The following OXCT1 variants were observed in gnomAD, a reference collection of about 807,000 sequenced individuals.
OXCT1 encodes the protein 3-oxoacid CoA-transferase 1.
OXCT1 carries 27 observed loss-of-function variants against 69.6 expected under a neutral mutation model. That is an observed-to-expected ratio of 0.39 (90% confidence interval 0.29 to 0.54). The LOEUF (loss-of-function observed/expected upper bound fraction) is 0.54. Among genes scored for constraint, OXCT1 ranks in the 20% least tolerant of loss-of-function variants. The pLI is 0.72. For missense variants in OXCT1, 437 were observed against 650.2 expected (o/e 0.67, Z 3.57); for synonymous variants, 202 against 217.8 (o/e 0.93, Z 0.64).
rs550527131 is a variant in OXCT1, at chr5:41,815,486, T to C, written c.733-8048A>G. 1.3e-4 allele frequency among the ~76,000 whole-genome samples: 20 copies of C among 152,274 alleles called. No individual in the cohort carries two copies. The East Asian group carries it at 3.9e-3, about 29-fold the overall frequency. On this transcript the variant is annotated intron_variant, in intron 7 of 16. Transcript: ENST00000196371. ...GCACCACTATGCCCAGCTGCTAACA[T>C]TTTTTGTTTGCCCAGAAATGCCAAT...
chr5:41,838,234 C>T (rs1463864715), intron 7 of OXCT1, among the ~76,000 whole-genome samples: 1 of 152,030 alleles, frequency 6.6e-6, no homozygotes, highest in Non-Finnish European at 1.5e-5. Flanking sequence ...TCACTGGACT[C>T]AAAATACAAA....
At chr5:41,821,315 A>T (rs1747536768) in intron 7 of OXCT1, among the ~76,000 whole-genome samples, 1 of 152,224 alleles carries the variant, frequency 6.6e-6, no homozygotes, top group Non-Finnish European at 1.5e-5. Flanking sequence ...AGTGGTTCTT[A>T]GATGTTTAGG....
chr5:41,840,100 ACTT>A (rs1420569948), intron 7 of OXCT1, among the ~76,000 whole-genome samples: 1 of 152,206 alleles, frequency 6.6e-6, no homozygotes, highest in Non-Finnish European at 1.5e-5. Flanking sequence ...AAGATCATGA[ACTT>A]CTTCTGACAC....
Position 41,862,687 on chromosome 5 carries a change from C to G in OXCT1, c.142G>C (p.Glu48Gln). 6.2e-7 allele frequency: 1 copy of G among 1,613,088 alleles called. No individual in the cohort carries two copies. The highest frequency in any genetic ancestry group is 2.2e-5 in the East Asian group (1 of 44,814). Residue 48 changes from glutamate (E) to glutamine (Q), a missense_variant, in exon 2 of 17, where the codon GAA becomes CAA. By Grantham distance (29) the Glu-to-Gln change is conservative (BLOSUM62 2). Coordinates refer to ENST00000196371, the MANE Select transcript of OXCT1 (RefSeq NM_000436.4). ...CCATCAGGGATGTCTTTTACAGCTTCTACTGGATCTGTATAAAACTTGGTA... is the reference window on the plus strand; with the variant it reads ...CCATCAGGGATGTCTTTTACAGCTTGTACTGGATCTGTATAAAACTTGGTA... ...RHTKFYTDPV[E>Q]AVKDIPDGAT...
At chr5:41,774,516 C>T (rs1745031445) in intron 13 of OXCT1, among the ~76,000 whole-genome samples, 1 of 152,070 alleles carries the variant, frequency 6.6e-6, no homozygotes, top group Non-Finnish European at 1.5e-5. Context: ...CAATGAAAAA[C>T]AAAAAGAATG....
chr5:41,821,798 GTTGAGTTTTAA>G (rs1246786232), intron 7 of OXCT1, among the ~76,000 whole-genome samples: 1 of 152,118 alleles, frequency 6.6e-6, no homozygotes, highest in East Asian at 1.9e-4. Flanking sequence ...TTTTCTTGTT[GTTGAGTTTTAA>G]TTGTTTTTGC....
chr5:41,771,229 T>A (rs1744857709), intron 13 of OXCT1, among the ~76,000 whole-genome samples: 1 of 152,196 alleles, frequency 6.6e-6, no homozygotes, highest in South Asian at 2.1e-4. Context: ...GTCTCCATAG[T>A]TCACTTATGA....
At chr5:41,823,404 G>A (rs1301363892) in intron 7 of OXCT1, among the ~76,000 whole-genome samples, 1 of 152,144 alleles carries the variant, frequency 6.6e-6, no homozygotes, top group Non-Finnish European at 1.5e-5. Flanking sequence ...CCACTCTGGA[G>A]TCTAACTCTC....
intron 3 of OXCT1, among the ~76,000 whole-genome samples, chr5:41,854,970 A>G (rs970692491): frequency 1.3e-5 from 2 of 152,342 alleles, no homozygotes; most frequent in East Asian, 3.9e-4. Flanking sequence ...ATCACAAGAC[A>G]TGTGCAAGAA....
At chr5:41,737,653 T>A (rs1742954298) in intron 16 of OXCT1, among the ~76,000 whole-genome samples, 1 of 152,232 alleles carries the variant, frequency 6.6e-6, no homozygotes, top group African/African-American at 2.4e-5. Context: ...ACTGGGAGAC[T>A]TCTTTTTCCA....
At chr5:41,839,548 TA>T (rs1271947786) in intron 7 of OXCT1, among the ~76,000 whole-genome samples, 10 of 152,186 alleles carry the variant, frequency 6.6e-5, no homozygotes, top group African/African-American at 2.2e-4. Flanking sequence ...GAAAGTAACA[TA>T]TACTTCAGCA....
rs1486670539 is a variant in OXCT1, at chr5:41,731,773, G to A, written c.1522-3C>T. 1.2e-6 allele frequency: 2 copies of A among 1,608,144 alleles called. No homozygotes were observed. Among genetic ancestry groups the A allele is most frequent in the Non-Finnish European group, 1.7e-6 (2 of 1,176,928 alleles). ...ATTGGCATGAGTTTTGGTGAAACCT[G>A]GTAAAAGAGGAAAAAAAAATCAAAT... On this transcript the variant is annotated splice_polypyrimidine_tract_variant and splice_region_variant and intron_variant, in intron 16 of 16. Coordinates refer to ENST00000196371, the MANE Select transcript of OXCT1 (RefSeq NM_000436.4).
intron 14 of OXCT1, among the ~76,000 whole-genome samples, chr5:41,752,368 G>A (rs188561289): frequency 2.6e-5 from 4 of 152,142 alleles, no homozygotes; most frequent in South Asian, 2.1e-4. Flanking sequence ...AGGGTTACGC[G>A]GATCTCATTC....
In OXCT1 at chr5:41,857,346, T is replaced by C. The variant is rs975695817; in HGVS notation, c.279-3792A>G. On this transcript the variant is annotated intron_variant, in intron 3 of 16. Coordinates refer to ENST00000196371, the MANE Select transcript of OXCT1 (RefSeq NM_000436.4). ...GGCCTGCAAGGTCCCATGTGATCAGTTGCCCTTTGATGTCCCCAACCTCAC... is the reference window on the plus strand; with the variant it reads ...GGCCTGCAAGGTCCCATGTGATCAGCTGCCCTTTGATGTCCCCAACCTCAC... Among the ~76,000 whole-genome samples the C allele has an allele frequency of 3.3e-5, 5 of 152,304 alleles. No individual in the cohort carries two copies. The East Asian group carries it at 7.7e-4, about 24-fold the overall frequency.
chr5:41,793,844 C>G (rs1746047337), intron 13 of OXCT1, among the ~76,000 whole-genome samples, 159 bp downstream of exon 13: 1 of 152,094 alleles, frequency 6.6e-6, no homozygotes, highest in African/African-American at 2.4e-5. Context: ...AAGCTGAATA[C>G]TTCTCAGTGC....
intron 7 of OXCT1, among the ~76,000 whole-genome samples, chr5:41,833,523 T>TG (rs1554016897): frequency 2.7e-4 from 5 of 18,440 alleles, no homozygotes; most frequent in Admixed American, 6.6e-4. Flanking sequence ...TTCTTTGATC[T>TG]GAAAAAAAAA....
chr5:41,754,338 T>TAC (rs1357330506), intron 14 of OXCT1, among the ~76,000 whole-genome samples: 1 of 152,068 alleles, frequency 6.6e-6, no homozygotes, highest in Non-Finnish European at 1.5e-5. Flanking sequence ...GCATACCACA[T>TAC]ACACACACAA....
At chr5:41,833,964 T>C (rs1252632922) in intron 7 of OXCT1, among the ~76,000 whole-genome samples, 1 of 151,166 alleles carries the variant, frequency 6.6e-6, no homozygotes, top group African/African-American at 2.4e-5. Context: ...TACGAGATCA[T>C]GCCACTGTAC....
intron 7 of OXCT1, among the ~76,000 whole-genome samples, chr5:41,808,802 C>T (rs1377713985): frequency 6.6e-6 from 1 of 152,050 alleles, no homozygotes; most frequent in Non-Finnish European, 1.5e-5. Flanking sequence ...CTACTGCTAC[C>T]TCTTCAACTG....
Sources: allele counts gnomAD v4.1 joint callset (sites outside exome capture counted in the v4.1 genomes callset), GRCh38; gene constraint gnomAD v4.1.1; transcripts MANE v1.5; gene names NCBI Gene and HGNC (gene_info 2026-07-23, HGNC 2026-07-21).